The following MTMR7 variants were observed in gnomAD, a reference collection of about 807,000 sequenced individuals.
MTMR7 encodes the protein myotubularin related protein 7, also known as phosphatidylinositol-3-phosphate phosphatase MTMR7.
MTMR7 carries 76 observed loss-of-function variants against 81.2 expected under a neutral mutation model. The ratio of observed to expected loss-of-function variants is 0.94; its 90% CI spans 0.78 to 1.13. MTMR7 has a LOEUF of 1.13. Among genes scored for constraint, MTMR7 ranks in the 50% most tolerant of loss-of-function variants. The pLI is 0.00. For missense variants in MTMR7, 1,044 were observed against 820.0 expected, an observed-to-expected ratio of 1.27 and a Z score of -3.34; for synonymous variants, 372 against 289.8, an observed-to-expected ratio of 1.28 and a Z score of -2.88.
Position 17,300,223 on chromosome 8 carries a change from CTCTAAGAAAGAAAT to C in MTMR7, c.1621-13_1621del. On this transcript the variant is annotated splice_acceptor_variant and splice_polypyrimidine_tract_variant and coding_sequence_variant and intron_variant, in exon 14 of 14. Coordinates refer to ENST00000180173, the MANE Select transcript of MTMR7 (RefSeq NM_004686.5). LOFTEE classifies it high-confidence loss of function. ...CTGGACCTTTTGAATTTTTTCCAGCCTCTAAGAAAGAAATAACAATTTCAGGGGAAAAATCATAA... is the reference window on the plus strand; with the variant it reads ...CTGGACCTTTTGAATTTTTTCCAGCCAACAATTTCAGGGGAAAAATCATAA... 5.0e-6 allele frequency: 8 copies of C among 1,597,422 alleles called. No individual in the cohort carries two copies. Among genetic ancestry groups the C allele is most frequent in the Non-Finnish European group, 6.8e-6 (8 of 1,172,082 alleles).
intron 11 of MTMR7, 110 bp downstream of exon 11, chr8:17,305,647 G>T: frequency 2.3e-6 from 2 of 853,462 alleles, no homozygotes; most frequent in South Asian, 1.7e-5. Flanking sequence ...GTCAGTATAG[G>T]TATGTGACTA....
intron 3 of MTMR7, among the ~76,000 whole-genome samples, chr8:17,364,919 C>T (rs942083482): frequency 2.6e-5 from 4 of 152,214 alleles, no homozygotes; most frequent in African/African-American, 9.7e-5. Flanking sequence ...TCAATCTTTC[C>T]AGTAAGCACT....
intron 1 of MTMR7, among the ~76,000 whole-genome samples, chr8:17,387,756 T>C (rs1820994834): frequency 6.6e-6 from 1 of 152,000 alleles, no homozygotes; most frequent in Admixed American, 6.6e-5. Context: ...AAAATATGCT[T>C]TGAGAAATTT....
At chr8:17,315,879 G>C (rs1289488123) in intron 7 of MTMR7, among the ~76,000 whole-genome samples, 1 of 152,094 alleles carries the variant, frequency 6.6e-6, no homozygotes, top group Non-Finnish European at 1.5e-5. Flanking sequence ...GAGACTGAGT[G>C]GCACATGCCT....
intron 5 of MTMR7, among the ~76,000 whole-genome samples, chr8:17,347,541 C>G (rs1819595726): frequency 6.6e-6 from 1 of 152,170 alleles, no homozygotes. Flanking sequence ...CACACAATCT[C>G]CTGTGTTTAT....
chr8:17,373,273 G>A (rs201518959), intron 1 of MTMR7, 33 bp from the exon 2 acceptor site: 505 of 1,589,298 alleles, frequency 3.2e-4, no homozygotes, highest in Non-Finnish European at 4.0e-4. Context: ...AAGAGTTACC[G>A]TAAAGCAGAA....
chr8:17,385,206 G>A (rs775336154), intron 1 of MTMR7, among the ~76,000 whole-genome samples: 2 of 152,176 alleles, frequency 1.3e-5, no homozygotes, highest in Non-Finnish European at 2.9e-5. Flanking sequence ...AACCCCCAGT[G>A]TTGGAGGTGG....
At chr8:17,370,352 C>A (rs1382149641) in intron 3 of MTMR7, among the ~76,000 whole-genome samples, 1 of 151,880 alleles carries the variant, frequency 6.6e-6, no homozygotes, top group Admixed American at 6.6e-5. Flanking sequence ...AAAACCCCAC[C>A]TCTACTAAAA....
At chr8:17,397,205 G>A (rs1030408905) in intron 1 of MTMR7, among the ~76,000 whole-genome samples, 3 of 151,902 alleles carry the variant, frequency 2.0e-5, no homozygotes, top group Non-Finnish European at 4.4e-5. Context: ...AAAAGTTAAG[G>A]GCACTTTGTC....
rs114644742 is a variant in MTMR7 at position 17,332,546 on chromosome 8, G to C, written c.733-1264C>G. 1.2e-3 allele frequency among the ~76,000 whole-genome samples: 179 copies of C among 152,298 alleles called. 1 individual carries two copies. The highest frequency in any genetic ancestry group is 4.0e-3 in the African/African-American group (167 of 41,578). On this transcript the variant is annotated intron_variant, in intron 6 of 13. Coordinates refer to ENST00000180173, the MANE Select transcript of MTMR7 (RefSeq NM_004686.5). Reference sequence around the variant, plus strand: ...GAGGCTTACGATGGGGTTATATCATGATGAGCCCATTGGAAGTTGAAAATG... The same window carrying C: ...GAGGCTTACGATGGGGTTATATCATCATGAGCCCATTGGAAGTTGAAAATG...
At chr8:17,396,440 A>G (rs536552867) in intron 1 of MTMR7, among the ~76,000 whole-genome samples, 1 of 152,310 alleles carries the variant, frequency 6.6e-6, no homozygotes, top group South Asian at 2.1e-4. Flanking sequence ...ACTTGCGGGA[A>G]GGAGAGCATA....
rs375936201 is a variant in MTMR7, at chr8:17,351,980, G to A, written c.469-2899C>T. Among the ~76,000 whole-genome samples the A allele has an allele frequency of 3.7e-4, 56 of 152,300 alleles. No homozygotes were observed. In the South Asian group the frequency reaches 0.011, roughly 30 times the overall value. ...CACAAGTAAATGGTAAGATACCTGT[G>A]TTCATGCACTGGAAGACTTAATATT... On this transcript the variant is annotated intron_variant, in intron 4 of 13. Transcript: ENST00000180173.
chr8:17,321,551 G>A (rs137877203), intron 7 of MTMR7, among the ~76,000 whole-genome samples: 74 of 152,292 alleles, frequency 4.9e-4, no homozygotes, highest in African/African-American at 1.3e-3. Context: ...TAATAGACAT[G>A]GGCAGATGGG....
intron 6 of MTMR7, among the ~76,000 whole-genome samples, chr8:17,335,159 C>G (rs115698991): frequency 0.012 from 1,790 of 152,172 alleles, 37 homozygotes; most frequent in East Asian, 0.073. Context: ...AAGGAGCGAG[C>G]AGAGAGGGAT....
chr8:17,346,881 T>TAAAA (rs1404712123), intron 5 of MTMR7, among the ~76,000 whole-genome samples: 1 of 81,200 alleles, frequency 1.2e-5, no homozygotes, highest in Non-Finnish European at 2.3e-5. Flanking sequence ...TATCCTATCT[T>TAAAA]AATAAAAAAA....
At chr8:17,354,151 C>A (rs1007805376) in intron 4 of MTMR7, among the ~76,000 whole-genome samples, 1 of 152,160 alleles carries the variant, frequency 6.6e-6, no homozygotes, top group Admixed American at 6.5e-5. Flanking sequence ...TGAGAGATAT[C>A]TATACAGACA....
intron 1 of MTMR7, among the ~76,000 whole-genome samples, chr8:17,402,267 C>A (rs2150584386): frequency 6.6e-6 from 1 of 152,222 alleles, no homozygotes; most frequent in South Asian, 2.1e-4. Context: ...CTTTTAGTTA[C>A]TTTAAAATGC....
chr8:17,411,473 A>G (rs2150590845), intron 1 of MTMR7, among the ~76,000 whole-genome samples: 1 of 152,332 alleles, frequency 6.6e-6, no homozygotes, highest in East Asian at 1.9e-4. Context: ...CTTAACACAG[A>G]GCCTGGCACA....
At chr8:17,369,069 C>G (rs955172935) in intron 3 of MTMR7, among the ~76,000 whole-genome samples, 1 of 152,226 alleles carries the variant, frequency 6.6e-6, no homozygotes, top group African/African-American at 2.4e-5. Context: ...TTTCCCAGTT[C>G]GCTGGGCTAT....
Sources: allele counts gnomAD v4.1 joint callset (sites outside exome capture counted in the v4.1 genomes callset), GRCh38; gene constraint gnomAD v4.1.1; transcripts MANE v1.5; gene names NCBI Gene and HGNC (gene_info 2026-07-23, HGNC 2026-07-21).